NEDD4L: variants seen among roughly 807,000 people sequenced by gnomAD.
The protein encoded by NEDD4L is NEDD4 like E3 ubiquitin protein ligase.
NEDD4L carries 54 observed loss-of-function variants against 148.9 expected under a neutral mutation model. The observed-to-expected ratio is 0.36, with a 90% confidence interval of 0.29 to 0.45. The LOEUF (loss-of-function observed/expected upper bound fraction) is 0.45. Among genes scored for constraint, NEDD4L ranks in the 20% least tolerant of loss-of-function variants. NEDD4L has a pLI of 1.00. For synonymous variants in NEDD4L, 433 were observed against 440.7 expected (o/e 0.98, Z 0.22); for missense variants, 856 against 1,233.8 (o/e 0.69, Z 4.59).
chr18:58,271,980 C>A (rs748178486), intron 5 of NEDD4L, among the ~76,000 whole-genome samples: 2 of 152,178 alleles, frequency 1.3e-5, no homozygotes, highest in East Asian at 3.8e-4. Context: ...CAAATTACAA[C>A]TTCAAGCCTA....
chr18:58,154,263 T>C (rs559032839), intron 1 of NEDD4L, among the ~76,000 whole-genome samples: 1 of 152,324 alleles, frequency 6.6e-6, no homozygotes, highest in Admixed American at 6.5e-5. Context: ...GAGTGAGTAC[T>C]GCCCAGATAG....
At chr18:58,162,316 T>G (rs539231287) in intron 1 of NEDD4L, among the ~76,000 whole-genome samples, 1 of 152,200 alleles carries the variant, frequency 6.6e-6, no homozygotes, top group South Asian at 2.1e-4. Flanking sequence ...GGTCCCACGG[T>G]GCCCTGCATG....
rs2085143999 is a variant in NEDD4L, at chr18:58,107,623, G to A, written c.49-58165G>A. 2.0e-5 allele frequency among the ~76,000 whole-genome samples: 3 copies of A among 152,240 alleles called. No homozygotes were observed. The South Asian group carries it at 6.2e-4, about 32-fold the overall frequency. On this transcript the variant is annotated intron_variant, in intron 1 of 30. Coordinates refer to ENST00000400345, the MANE Select transcript of NEDD4L (RefSeq NM_001144967.3). ...AGGCCCAGCTCCTCTGGAGGCTGAGGTGGGAGGATCACTGGAGCCTGGGAA... is the reference window on the plus strand; with the variant it reads ...AGGCCCAGCTCCTCTGGAGGCTGAGATGGGAGGATCACTGGAGCCTGGGAA...
chr18:58,100,913 C>G (rs2084713165), intron 1 of NEDD4L, among the ~76,000 whole-genome samples: 1 of 152,164 alleles, frequency 6.6e-6, no homozygotes, highest in Non-Finnish European at 1.5e-5. Flanking sequence ...TCAAGTGACC[C>G]TCTAGCCTTG....
chr18:58,340,989 A>G, intron 13 of NEDD4L, 49 bp from the exon 14 acceptor site: 1 of 1,566,944 alleles, frequency 6.4e-7, no homozygotes, highest in Non-Finnish European at 8.6e-7. Context: ...TAAACTGATC[A>G]GAAAACAAAT....
At chr18:58,337,650 G>A (rs1287377803) in intron 13 of NEDD4L, among the ~76,000 whole-genome samples, 2 of 151,788 alleles carry the variant, frequency 1.3e-5, no homozygotes, top group African/African-American at 4.8e-5. Flanking sequence ...CATTCTTCTG[G>A]GACATGTTAA....
intron 4 of NEDD4L, among the ~76,000 whole-genome samples, chr18:58,250,367 C>A (rs1442028878): frequency 6.6e-6 from 1 of 152,158 alleles, no homozygotes; most frequent in South Asian, 2.1e-4. Flanking sequence ...CCAGGCTGGT[C>A]TCACTCTCCT....
At chr18:58,217,332 A>T (rs1427393280) in intron 2 of NEDD4L, among the ~76,000 whole-genome samples, 1 of 152,180 alleles carries the variant, frequency 6.6e-6, no homozygotes, top group African/African-American at 2.4e-5. Context: ...CAAGTGTCCT[A>T]GTTTCTCCTC....
intron 1 of NEDD4L, among the ~76,000 whole-genome samples, chr18:58,084,307 G>C (rs956835911): frequency 2.6e-5 from 4 of 152,284 alleles, no homozygotes; most frequent in African/African-American, 7.2e-5. Context: ...TTCCTCAAGT[G>C]ATGAAATATT....
intron 2 of NEDD4L, 110 bp downstream of exon 2, chr18:58,165,971 C>A: frequency 2.3e-6 from 2 of 859,746 alleles, no homozygotes; most frequent in Non-Finnish European, 1.9e-6. Context: ...ACAAAGCTGG[C>A]TGGGCCCCAC....
At chr18:58,118,682 A>T (rs140204992) in intron 1 of NEDD4L, among the ~76,000 whole-genome samples, 2 of 151,988 alleles carry the variant, frequency 1.3e-5, no homozygotes, top group African/African-American at 4.8e-5. Flanking sequence ...TTTGCACTGA[A>T]TCTTTGAAGA....
chr18:58,137,076 T>G (rs1384135898), intron 1 of NEDD4L, among the ~76,000 whole-genome samples: 2 of 152,248 alleles, frequency 1.3e-5, no homozygotes, highest in Non-Finnish European at 2.9e-5. Flanking sequence ...AGCAGTCATT[T>G]TAAATGATTG....
At chr18:58,174,029 C>G (rs371658615) in intron 2 of NEDD4L, among the ~76,000 whole-genome samples, 2 of 152,204 alleles carry the variant, frequency 1.3e-5, no homozygotes, top group Admixed American at 6.5e-5. Flanking sequence ...TGCTGGGGTG[C>G]CCTAGCTCAC....
intron 19 of NEDD4L, among the ~76,000 whole-genome samples, chr18:58,362,561 TGGG>T (rs2045620172): frequency 6.6e-6 from 1 of 152,210 alleles, no homozygotes; most frequent in Admixed American, 6.5e-5. Flanking sequence ...TTAGTTCCTA[TGGG>T]GTCATTTTTT....
At chr18:58,245,784 G>C (rs1307975117) in intron 3 of NEDD4L, among the ~76,000 whole-genome samples, 1 of 144,990 alleles carries the variant, frequency 6.9e-6, no homozygotes, top group East Asian at 2.0e-4. Flanking sequence ...GGGTTCAAGT[G>C]ATTCTCCTGC....
At chr18:58,248,703 A>G (rs1330916648) in intron 3 of NEDD4L, among the ~76,000 whole-genome samples, 196 bp from the exon 4 acceptor site, 1 of 152,162 alleles carries the variant, frequency 6.6e-6, no homozygotes, top group East Asian at 1.9e-4. Flanking sequence ...TTTCATACCT[A>G]TGAAGCATCT....
chr18:58,151,487 T>C (rs912580082), intron 1 of NEDD4L, among the ~76,000 whole-genome samples: 16 of 152,220 alleles, frequency 1.1e-4, no homozygotes, highest in Admixed American at 8.5e-4. Context: ...AAAATGTAAA[T>C]TTCTGGTGTT....
chr18:58,255,631 C>T, intron 5 of NEDD4L: 16 of 1,232,530 alleles, frequency 1.3e-5, no homozygotes, highest in Non-Finnish European at 1.6e-5. Flanking sequence ...TCCTGGCCCC[C>T]CTGGTCACCA....
At position 58,052,395 on chromosome 18, in the gene NEDD4L, A is replaced by G. The variant is rs183941629; in HGVS notation, c.48+7687A>G. ...TATTGTAATCCCTTTAGGTGAGAAA[A>G]GCCTTATTATATAAGTGTATCTGGG... On this transcript the variant is annotated intron_variant, in intron 1 of 30. Transcript: ENST00000400345. Among the ~76,000 whole-genome samples, 240 of 152,270 alleles carry G rather than the reference A, an allele frequency of 1.6e-3. 2 individuals are homozygous for G. The highest frequency in any genetic ancestry group is 5.6e-3 in the African/African-American group (234 of 41,556).
Sources: gnomAD v4.1 joint callset for allele counts (sites outside exome capture counted in the v4.1 genomes callset) on GRCh38, gnomAD v4.1.1 for gene constraint, MANE v1.5 for transcripts, NCBI Gene and HGNC (gene_info 2026-07-23, HGNC 2026-07-21) for gene names.